FAM91A1: variants seen among roughly 807,000 people sequenced by gnomAD.
FAM91A1 encodes the protein protein FAM91A1.
FAM91A1 carries 41 observed loss-of-function variants against 113.5 expected under a neutral mutation model. The ratio of observed to expected loss-of-function variants is 0.36; its 90% confidence interval spans 0.28 to 0.47. The LOEUF (loss-of-function observed/expected upper bound fraction) is 0.47, where lower values mean the gene tolerates loss of function less well. Among genes scored for constraint, FAM91A1 ranks in the 20% least tolerant of loss-of-function variants. The pLI, the probability that FAM91A1 is intolerant of heterozygous loss-of-function variation, is 1.00. For missense variants in FAM91A1, 696 were observed against 1,001.2 expected (o/e 0.70, Z 4.11); for synonymous variants, 307 against 347.9 (o/e 0.88, Z 1.31).
chr8:123,800,043 A>C (rs911192761), intron 18 of FAM91A1, among the ~76,000 whole-genome samples, 158 bp downstream of exon 18: 5 of 152,194 alleles, frequency 3.3e-5, no homozygotes, highest in African/African-American at 1.2e-4. Flanking sequence ...GCCGTTTGGC[A>C]GTGTGGGAGT....
In FAM91A1 at chr8:123,787,699, A is replaced by C; in HGVS notation, c.1227A>C (p.Val409=). The C allele has an allele frequency of 6.2e-7, 1 of 1,613,186 alleles. No individual in the cohort carries two copies. Among genetic ancestry groups the C allele is most frequent in the Non-Finnish European group, 8.5e-7 (1 of 1,179,608 alleles). ...LKSHAVTMFE[V]GKLSDESLDS... ...GTCATGCAGTCACAATGTTTGAAGT[A>C]GGCAAACTCTCAGATGAGTCTCTGG... The change falls in exon 14 of 24, where the codon GTA becomes GTC. Residue 409 remains valine (V), a synonymous_variant. Transcript: ENST00000334705.
intron 23 of FAM91A1, 96 bp downstream of exon 23, chr8:123,810,447 T>C: frequency 9.3e-7 from 1 of 1,075,900 alleles, no homozygotes; most frequent in Non-Finnish European, 1.4e-6. Flanking sequence ...AGCAGCAAGA[T>C]ATGAAATAAA....
chr8:123,795,301 C>T (rs986330301), intron 15 of FAM91A1, among the ~76,000 whole-genome samples: 2 of 152,106 alleles, frequency 1.3e-5, no homozygotes, highest in Non-Finnish European at 1.5e-5. Flanking sequence ...ACCCAAATCT[C>T]ATGTCTAATT....
At position 123,775,405 on chromosome 8, in the gene FAM91A1, CT is replaced by C. The variant is rs2130046894; in HGVS notation, c.309+110del. 7 of 1,313,736 alleles carry C rather than the reference CT, an allele frequency of 5.3e-6. No homozygotes were observed. The East Asian group carries it at 1.7e-4, about 31-fold the overall frequency. 81.4% of individuals were successfully genotyped at this position (1,313,736 alleles called of 1,614,324 possible). A position where few individuals can be genotyped will look rare whatever the true frequency, so the allele number is the denominator to read the frequency against. ...TCAGCTGTCGTCTGCGGTGGACACT[CT>C]TTCAGAACTTATAGTGTAAAAAGGA... On this transcript the variant is annotated intron_variant, in intron 3 of 23. Transcript: ENST00000334705.
At chr8:123,796,143 G>A (rs996308540) in intron 15 of FAM91A1, among the ~76,000 whole-genome samples, 1 of 152,068 alleles carries the variant, frequency 6.6e-6, no homozygotes, top group Admixed American at 6.5e-5. Flanking sequence ...CCAAACACGT[G>A]TCTCTGATTC....
intron 23 of FAM91A1, 195 bp downstream of exon 23, chr8:123,810,546 G>GAGAT: frequency 1.5e-6 from 1 of 661,080 alleles, no homozygotes; most frequent in Non-Finnish European, 2.7e-6. Flanking sequence ...GGAGACCAAA[G>GAGAT]CTTGATCTCT....
At chr8:123,780,181 C>A in intron 7 of FAM91A1, 106 bp downstream of exon 7, 2 of 953,298 alleles carry the variant, frequency 2.1e-6, no homozygotes, top group Non-Finnish European at 3.1e-6. Flanking sequence ...GTACTAGTTT[C>A]TAAGGCATGT....
chr8:123,777,422 T>C, intron 4 of FAM91A1, 100 bp downstream of exon 4: 1 of 1,084,362 alleles, frequency 9.2e-7, no homozygotes, highest in Non-Finnish European at 1.4e-6. Context: ...ACCTGAAATA[T>C]GTGAAAAATG....
At chr8:123,777,988 T>C (rs375000683) in intron 4 of FAM91A1, 37 bp from the exon 5 acceptor site, 18 of 1,551,370 alleles carry the variant, frequency 1.2e-5, no homozygotes, top group African/African-American at 4.1e-5. Flanking sequence ...TTTCAAGATA[T>C]GTTAAATGTT....
chr8:123,793,982 C>T (rs377765719), intron 15 of FAM91A1, among the ~76,000 whole-genome samples: 41 of 152,292 alleles, frequency 2.7e-4, no homozygotes, highest in East Asian at 9.7e-4. Flanking sequence ...TCATGCTCTA[C>T]GGACCAGAAA....
At position 123,798,163 on chromosome 8, in the gene FAM91A1, C is replaced by T. The variant is rs933766202; in HGVS notation, c.1485C>T (p.Asn495=). The change falls in exon 16 of 24, where the codon AAC becomes AAT. Residue 495 remains asparagine (N), a synonymous_variant. Coordinates refer to ENST00000334705, the MANE Select transcript of FAM91A1 (RefSeq NM_144963.4). ...LDPATCSRVL[N]KNYTLLVSMA... is the part of the protein sequence containing the mutation. ...CTGCAACTTGCAGCAGAGTTCTAAACAAAAATTACACGCTGCTTGTTTCCA... is the reference window on the plus strand; with the variant it reads ...CTGCAACTTGCAGCAGAGTTCTAAATAAAAATTACACGCTGCTTGTTTCCA... 4 of 1,613,958 alleles carry T rather than the reference C, an allele frequency of 2.5e-6. No individual in the cohort carries two copies. The highest frequency in any genetic ancestry group is 1.3e-5 in the African/African-American group (1 of 74,900).
intron 23 of FAM91A1, chr8:123,810,706 G>A: frequency 3.5e-6 from 1 of 286,860 alleles, no homozygotes. Context: ...TGTTGTGGCA[G>A]CGAAGGCCAG....
At chr8:123,798,340 TAGAA>T in intron 16 of FAM91A1, 102 bp downstream of exon 16, 1 of 1,341,820 alleles carries the variant, frequency 7.5e-7, no homozygotes. Context: ...CACTGAATCA[TAGAA>T]AGCAATTTTG....
chr8:123,812,808 T>G lies in FAM91A1; in HGVS notation c.*104T>G. On this transcript the variant is annotated 3_prime_UTR_variant, in exon 24 of 24. Transcript: ENST00000334705. ...AAGCATCCTGCTGCTGCAGTGCAAT[T>G]CTTGCTTAACTAATATTAAAAGTTG... The G allele has an allele frequency of 1.0e-6, 1 of 983,064 alleles. No homozygotes were observed. The highest frequency in any genetic ancestry group is 1.4e-6 in the Non-Finnish European group (1 of 710,300). The allele number at this position is 983,064 out of a possible 1,614,324, so 60.9% of individuals were successfully genotyped here.
intron 8 of FAM91A1, 72 bp downstream of exon 8, chr8:123,780,614 T>A: frequency 8.2e-7 from 1 of 1,217,186 alleles, no homozygotes; most frequent in Admixed American, 2.2e-5. Context: ...TATCATCCGT[T>A]CTAGGATCTT....
chr8:123,795,731 G>A (rs1815501346), intron 15 of FAM91A1, among the ~76,000 whole-genome samples: 1 of 152,170 alleles, frequency 6.6e-6, no homozygotes, highest in Admixed American at 6.5e-5. Flanking sequence ...GGTCTTTAAT[G>A]CATGCGAAAG....
rs534600713 is a variant in FAM91A1 at position 123,778,503 on chromosome 8, CAATATGTT to C, written c.436-150_436-143del. ...CAATTTAAGAATGACTTTCTTCATA[CAATATGTT>C]AATATCTAGAATTGTTAAGATTTTA... On this transcript the variant is annotated intron_variant, in intron 5 of 23. Coordinates refer to ENST00000334705, the MANE Select transcript of FAM91A1 (RefSeq NM_144963.4). Among the ~76,000 whole-genome samples, 55 of 152,186 alleles carry C rather than the reference CAATATGTT, an allele frequency of 3.6e-4. No individual in the cohort carries two copies. In the East Asian group the frequency reaches 5.2e-3, roughly 14 times the overall value.
chr8:123,802,087 A>G (rs920582641), intron 18 of FAM91A1, among the ~76,000 whole-genome samples: 3 of 152,042 alleles, frequency 2.0e-5, no homozygotes, highest in African/African-American at 7.2e-5. Context: ...GATGGTAGCA[A>G]TTACAGGGGG....
chr8:123,796,046 C>A (rs1347223335), intron 15 of FAM91A1, among the ~76,000 whole-genome samples: 1 of 152,152 alleles, frequency 6.6e-6, no homozygotes, highest in Non-Finnish European at 1.5e-5. Context: ...TTTTAAAGTT[C>A]TTTTCGTACT....
Sources: gnomAD v4.1 joint callset for allele counts (sites outside exome capture counted in the v4.1 genomes callset) on GRCh38, gnomAD v4.1.1 for gene constraint, MANE v1.5 for transcripts, NCBI Gene and HGNC (gene_info 2026-07-23, HGNC 2026-07-21) for gene names.